The following ROS1 variants were observed in gnomAD, a reference collection of about 807,000 sequenced individuals.
The protein encoded by ROS1 is ROS proto-oncogene 1, receptor tyrosine kinase, also known as proto-oncogene tyrosine-protein kinase ROS.
A neutral mutation model predicts 273.5 loss-of-function variants in ROS1; 263 were observed. That is an observed-to-expected ratio of 0.96 (90% confidence interval 0.87 to 1.06). The LOEUF (loss-of-function observed/expected upper bound fraction) is 1.06. ROS1 is among the 50% of genes least tolerant of loss of function. The pLI is 0.00. For missense variants in ROS1, 2,833 were observed against 2,751.1 expected, an observed-to-expected ratio of 1.03 and a Z score of -0.67; for synonymous variants, 1,008 against 954.1, an observed-to-expected ratio of 1.06 and a Z score of -1.04.
intron 14 of ROS1, among the ~76,000 whole-genome samples, chr6:117,387,523 T>C (rs1772681776): frequency 6.6e-6 from 1 of 152,222 alleles, no homozygotes; most frequent in Non-Finnish European, 1.5e-5. Context: ...TCAATTATAG[T>C]GTTTCCTTAA....
In ROS1 at chr6:117,288,700, G is replaced by A. The variant is rs183984056; in HGVS notation, c.6818C>T (p.Thr2273Ile). The A allele has an allele frequency of 3.7e-6, 6 of 1,614,010 alleles. No individual in the cohort carries two copies. The African/African-American group carries it at 5.3e-5, about 14-fold the overall frequency. The stretch of plus-strand genomic sequence containing the variant: ...CTTTTCTTCACCTTGGCCACATTCT[G>A]TAGCAAGTACCATATAGTTTAACCC... ...REGLNYMVLA[T>I]ECGQGEEKSE... Residue 2273 changes from threonine (T) to isoleucine (I), a missense_variant, in exon 44 of 44, where the codon ACA (threonine) becomes ATA (isoleucine). Physicochemically the swap from Thr to Ile is moderately conservative, Grantham distance 89. Coordinates refer to ENST00000368507, the MANE Select transcript of ROS1 (RefSeq NM_001378902.1).
At chr6:117,391,693 G>A (rs929927700) in intron 12 of ROS1, among the ~76,000 whole-genome samples, 1 of 152,166 alleles carries the variant, frequency 6.6e-6, no homozygotes, top group African/African-American at 2.4e-5. Flanking sequence ...TAGAGAGATG[G>A]TTAGAAGACA....
chr6:117,366,654 T>C (rs1231881663), intron 18 of ROS1, among the ~76,000 whole-genome samples: 1 of 152,044 alleles, frequency 6.6e-6, no homozygotes, highest in African/African-American at 2.4e-5. Flanking sequence ...GCTGGGATTA[T>C]ATGCACACAC....
intron 39 of ROS1, 37 bp from the exon 40 acceptor site, chr6:117,311,154 T>C (rs779050446): frequency 1.6e-6 from 2 of 1,258,174 alleles, no homozygotes; most frequent in East Asian, 2.3e-5. Flanking sequence ...GGTAGTTATC[T>C]AGTTTGCATG....
intron 41 of ROS1, 80 bp downstream of exon 41, chr6:117,310,001 G>T: frequency 1.6e-6 from 2 of 1,260,274 alleles, no homozygotes; most frequent in Non-Finnish European, 2.3e-6. Context: ...CATTAAAAAA[G>T]CAAGATTAGA....
At chr6:117,338,107 T>C (rs2128618128) in intron 31 of ROS1, among the ~76,000 whole-genome samples, 1 of 152,236 alleles carries the variant, frequency 6.6e-6, no homozygotes, top group East Asian at 1.9e-4. Flanking sequence ...TTTCTTAACA[T>C]ACAAATAGGA....
chr6:117,424,818 G>T (rs182780455), intron 1 of ROS1, among the ~76,000 whole-genome samples: 23 of 152,072 alleles, frequency 1.5e-4, no homozygotes, highest in African/African-American at 5.5e-4. Context: ...CTATAGATAG[G>T]GTCATATGCA....
intron 4 of ROS1, among the ~76,000 whole-genome samples, chr6:117,413,813 C>A (rs1775119153): frequency 6.6e-6 from 1 of 152,118 alleles, no homozygotes; most frequent in Non-Finnish European, 1.5e-5. Context: ...AAAACCCCAT[C>A]TCTACTAAAA....
In ROS1 at chr6:117,396,965, T is replaced by G. The variant is rs762094534; in HGVS notation, c.756A>C (p.Thr252=). The G allele has an allele frequency of 1.2e-5, 20 of 1,614,038 alleles. No individual in the cohort carries two copies. The highest frequency in any genetic ancestry group is 1.7e-5 in the Non-Finnish European group (20 of 1,179,982). Residue 252 remains threonine (T), a synonymous_variant, in exon 8 of 44, where the codon ACA becomes ACC. Coordinates refer to ENST00000368507, the MANE Select transcript of ROS1 (RefSeq NM_001378902.1). ...AGTAAAACTGGAAACTGGTTCTCTG[T>G]GTCCCTGCATCTAATTTTTGATTTT... ...ISKNQKLDAG[T]QRTSFQFYST...
intron 13 of ROS1, among the ~76,000 whole-genome samples, chr6:117,388,299 T>C (rs1266301194): frequency 6.6e-6 from 1 of 152,156 alleles, no homozygotes; most frequent in Non-Finnish European, 1.5e-5. Flanking sequence ...CTAATAGATA[T>C]AATCAGGCTC....
intron 18 of ROS1, among the ~76,000 whole-genome samples, chr6:117,376,707 A>T (rs997189930): frequency 8.6e-5 from 13 of 151,898 alleles, no homozygotes; most frequent in Admixed American, 8.5e-4. Flanking sequence ...CTAATAAAAG[A>T]TATGTTAGAC....
chr6:117,350,596 C>T (rs1307918057), intron 27 of ROS1, among the ~76,000 whole-genome samples: 1 of 151,262 alleles, frequency 6.6e-6, no homozygotes, highest in African/African-American at 2.4e-5. Context: ...CTGTTCCTTT[C>T]TCTCTTCTTT....
chr6:117,316,988 A>AT (rs1775967581), intron 39 of ROS1, among the ~76,000 whole-genome samples, 155 bp downstream of exon 39: 1 of 152,084 alleles, frequency 6.6e-6, no homozygotes, highest in Non-Finnish European at 1.5e-5. Context: ...CAGGGTTCTG[A>AT]TTGTCAAAAG....
intron 37 of ROS1, among the ~76,000 whole-genome samples, chr6:117,319,303 C>T (rs950218602): frequency 6.6e-6 from 1 of 151,992 alleles, no homozygotes; most frequent in African/African-American, 2.4e-5. Context: ...TTTTGTATAG[C>T]CTATGATCTG....
Position 117,396,983 on chromosome 6 carries a change from T to G in ROS1, c.738A>C (p.Gln246His), listed in dbSNP as rs781612376. The G allele has an allele frequency of 6.2e-7, 1 of 1,614,154 alleles. No homozygotes were observed. The part of the protein sequence containing the change: ...GYNLRLISKN[Q>H]KLDAGTQRTS... ...TTCTCTGTGTCCCTGCATCTAATTTTTGATTTTTGCTGATCAGCCTTAAGT... is the reference window on the plus strand; with the variant it reads ...TTCTCTGTGTCCCTGCATCTAATTTGTGATTTTTGCTGATCAGCCTTAAGT... Residue 246 changes from glutamine to histidine, a missense_variant, in exon 8 of 44, where the codon CAA (glutamine) becomes CAC (histidine). Transcript: ENST00000368507.
At chr6:117,349,964 A>G (rs1778683466) in intron 27 of ROS1, among the ~76,000 whole-genome samples, 1 of 152,032 alleles carries the variant, frequency 6.6e-6, no homozygotes, top group East Asian at 1.9e-4. Context: ...ACATACATAC[A>G]TAAGTGGATA....
At chr6:117,328,499 G>T (rs1776808959) in intron 33 of ROS1, 1 of 358,300 alleles carries the variant, frequency 2.8e-6, no homozygotes, top group East Asian at 4.3e-5. Flanking sequence ...AGAAATAAGG[G>T]CCAAGGGAAT....
At chr6:117,400,298 G>C (rs13204089) in intron 7 of ROS1, among the ~76,000 whole-genome samples, 21,316 of 152,084 alleles carry the variant, frequency 0.14, 1,537 homozygotes, top group East Asian at 0.23. Flanking sequence ...TTGTCAGTAC[G>C]TTTTCTATGT....
rs544727076 is a variant in ROS1 at position 117,373,469 on chromosome 6, C to T, written c.2582+5590G>A. Among the ~76,000 whole-genome samples, 134 of 152,368 alleles carry T rather than the reference C, an allele frequency of 8.8e-4. 1 individual carries two copies. The highest frequency in any genetic ancestry group is 6.8e-3 in the Admixed American group (104 of 15,312). ...AGGCCCGGCGAGAATTCGAGCATGG[C>T]GCGGGCAGGCCAGCAGTGCTGGGGG... On this transcript the variant is annotated intron_variant, in intron 18 of 43. Coordinates refer to ENST00000368507, the MANE Select transcript of ROS1 (RefSeq NM_001378902.1).
Sources: allele counts gnomAD v4.1 joint callset (sites outside exome capture counted in the v4.1 genomes callset), GRCh38; gene constraint gnomAD v4.1.1; transcripts MANE v1.5; gene names NCBI Gene and HGNC (gene_info 2026-07-23, HGNC 2026-07-21).